The following SLC7A9 variants were observed in gnomAD, a reference collection of about 807,000 sequenced individuals.
The protein encoded by SLC7A9 is solute carrier family 7 member 9, also known as B(0,+)-type amino acid transporter 1.
Under a neutral mutation model 54.1 loss-of-function variants are expected in SLC7A9, and 38 were observed. That is an observed-to-expected ratio of 0.70 (90% confidence interval 0.54 to 0.92). SLC7A9 has a LOEUF of 0.92. SLC7A9 is among the 40% of genes least tolerant of loss of function. The pLI is 0.00. For missense variants in SLC7A9, 537 were observed against 636.1 expected, an observed-to-expected ratio of 0.84 and a Z score of 1.68; for synonymous variants, 264 against 258.9, an observed-to-expected ratio of 1.02 and a Z score of -0.19.
At chr19:32,838,708 ATATG>A (rs1381636884) in intron 11 of SLC7A9, among the ~76,000 whole-genome samples, 1 of 148,338 alleles carries the variant, frequency 6.7e-6, no homozygotes, top group East Asian at 1.9e-4. Flanking sequence ...ATATGTACTT[ATATG>A]TATATGTATT....
At chr19:32,861,360 C>T (rs1822540665) in intron 6 of SLC7A9, among the ~76,000 whole-genome samples, 1 of 151,356 alleles carries the variant, frequency 6.6e-6, no homozygotes. Context: ...AGGACAAAAA[C>T]AGAATCTCAT....
intron 12 of SLC7A9, chr19:32,831,464 T>A (rs1421828165): frequency 6.6e-6 from 1 of 151,756 alleles, no homozygotes; most frequent in Non-Finnish European, 1.5e-5. Context: ...TTTTTTTTTG[T>A]ATTTTTAGTG....
chr19:32,836,448 AAG>A (rs902245994), intron 11 of SLC7A9, among the ~76,000 whole-genome samples: 17 of 152,162 alleles, frequency 1.1e-4, no homozygotes, highest in Non-Finnish European at 1.9e-4. Flanking sequence ...TGTTTCATTA[AAG>A]AGAGAGAATG....
intron 10 of SLC7A9, 70 bp downstream of exon 10, chr19:32,843,785 C>T: frequency 8.5e-7 from 1 of 1,178,244 alleles, no homozygotes; most frequent in Non-Finnish European, 1.3e-6. Flanking sequence ...TTGGAAGCCG[C>T]CGGGCTTAGC....
chr19:32,856,894 T>A (rs1254495046), intron 9 of SLC7A9, among the ~76,000 whole-genome samples: 1 of 152,150 alleles, frequency 6.6e-6, no homozygotes, highest in Non-Finnish European at 1.5e-5. Flanking sequence ...GGCTCACACC[T>A]GTAATCCCAA....
At chr19:32,853,813 A>C (rs1968536486) in intron 9 of SLC7A9, among the ~76,000 whole-genome samples, 1 of 150,360 alleles carries the variant, frequency 6.7e-6, no homozygotes, top group Non-Finnish European at 1.5e-5. Flanking sequence ...GCTACTTGGG[A>C]GGCTGAGGCA....
chr19:32,852,163 A>G (rs1221979794), intron 9 of SLC7A9, among the ~76,000 whole-genome samples: 1 of 152,082 alleles, frequency 6.6e-6, no homozygotes, highest in Non-Finnish European at 1.5e-5. Context: ...CCTAAAACTT[A>G]AAGTGTAATA....
At chr19:32,855,445 A>G (rs1188079499) in intron 9 of SLC7A9, among the ~76,000 whole-genome samples, 1 of 152,174 alleles carries the variant, frequency 6.6e-6, no homozygotes, top group African/African-American at 2.4e-5. Context: ...CACGCCTGTA[A>G]TCCCAGCACT....
At chr19:32,858,613 T>C in intron 8 of SLC7A9, 70 bp from the exon 9 acceptor site, 2 of 1,259,792 alleles carry the variant, frequency 1.6e-6, no homozygotes, top group East Asian at 2.5e-5. Context: ...CCCCAAAAGC[T>C]ATTCTGGCCT....
In SLC7A9 at chr19:32,868,644, G is replaced by C; in HGVS notation, c.-110C>G. ...AAGCTCGGCCTGGACTAGGGGAGCT[G>C]GCTGCAAAAGCACAGTGTTGGTTAT... On this transcript the variant is annotated splice_region_variant and 5_prime_UTR_variant, in exon 2 of 13. Coordinates refer to ENST00000023064, the MANE Select transcript of SLC7A9 (RefSeq NM_014270.5). 1 of 880,228 alleles carries C rather than the reference G, an allele frequency of 1.1e-6. No individual in the cohort carries two copies. The highest frequency in any genetic ancestry group is 1.3e-5 in the South Asian group (1 of 74,574). 54.5% of individuals were successfully genotyped at this position (880,228 alleles called of 1,614,324 possible). A position where few individuals can be genotyped will look rare whatever the true frequency, so the allele number is the denominator to read the frequency against.
chr19:32,857,558 C>T (rs183686373), intron 9 of SLC7A9, among the ~76,000 whole-genome samples: 8 of 152,278 alleles, frequency 5.3e-5, no homozygotes, highest in Non-Finnish European at 4.4e-5. Flanking sequence ...ACATGTATTT[C>T]GGTTTGGCTT....
At chr19:32,845,443 C>T (rs1371113308) in intron 9 of SLC7A9, among the ~76,000 whole-genome samples, 1 of 150,666 alleles carries the variant, frequency 6.6e-6, no homozygotes, top group Non-Finnish European at 1.5e-5. Context: ...TGCAGTGAGC[C>T]GAGATCTCAC....
intron 11 of SLC7A9, among the ~76,000 whole-genome samples, chr19:32,841,301 C>G (rs1968120103): frequency 6.6e-6 from 1 of 151,874 alleles, no homozygotes. Context: ...CTACTTCATC[C>G]TTATTGGTAT....
intron 4 of SLC7A9, among the ~76,000 whole-genome samples, chr19:32,863,787 G>A (rs1056909279): frequency 3.3e-5 from 5 of 152,188 alleles, no homozygotes; most frequent in African/African-American, 7.2e-5. Context: ...CTCAGATGGC[G>A]AAAAATTATC....
At chr19:32,869,034 C>T (rs1969061770) in intron 1 of SLC7A9, among the ~76,000 whole-genome samples, 1 of 148,784 alleles carries the variant, frequency 6.7e-6, no homozygotes, top group Admixed American at 6.8e-5. Flanking sequence ...CATGGCGAAC[C>T]CCGTCTCTAC....
At chr19:32,849,286 A>G (rs145201922) in intron 9 of SLC7A9, among the ~76,000 whole-genome samples, 15,823 of 152,232 alleles carry the variant, frequency 0.1, 1,027 homozygotes, top group Middle Eastern at 0.16. Context: ...ATAGACTGCT[A>G]GCAAGACAAA....
chr19:32,837,857 A>G (rs1968009987), intron 11 of SLC7A9, among the ~76,000 whole-genome samples: 2 of 152,354 alleles, frequency 1.3e-5, no homozygotes, highest in East Asian at 1.9e-4. Flanking sequence ...TGATTTTTCC[A>G]TATAAATATC....
At chr19:32,831,853 A>G (rs1967805135) in intron 12 of SLC7A9, among the ~76,000 whole-genome samples, 1 of 152,250 alleles carries the variant, frequency 6.6e-6, no homozygotes, top group Non-Finnish European at 1.5e-5. Flanking sequence ...TGATGTCTGC[A>G]TATCAGACAA....
intron 9 of SLC7A9, among the ~76,000 whole-genome samples, chr19:32,852,206 T>C (rs1483589119): frequency 2.6e-5 from 4 of 151,886 alleles, no homozygotes; most frequent in African/African-American, 7.3e-5. Flanking sequence ...AGAATTGATA[T>C]CAGGCCAGCC....
Sources: allele counts gnomAD v4.1 joint callset (sites outside exome capture counted in the v4.1 genomes callset), GRCh38; gene constraint gnomAD v4.1.1; transcripts MANE v1.5; gene names NCBI Gene and HGNC (gene_info 2026-07-23, HGNC 2026-07-21).